Variants in DLGAP2 observed in about 807,000 individuals in gnomAD.
The protein encoded by DLGAP2 is DLG associated protein 2.
Under a neutral mutation model 100.3 loss-of-function variants are expected in DLGAP2, and 26 were observed. The observed-to-expected ratio is 0.26, with a 90% CI of 0.19 to 0.36. The LOEUF (loss-of-function observed/expected upper bound fraction) is 0.36, where lower values mean the gene tolerates loss of function less well. DLGAP2 is among the 10% of genes least tolerant of loss of function. The probability of loss-of-function intolerance (pLI) is 1.00; values close to 1 mark genes in which losing one functional copy is unlikely to be tolerated. For synonymous variants in DLGAP2, 886 were observed against 630.1 expected (o/e 1.41, Z -6.08); for missense variants, 1,858 against 1,453.2 (o/e 1.28, Z -4.53).
At chr8:778,524 A>T (rs191146609) in intron 1 of DLGAP2, among the ~76,000 whole-genome samples, 2 of 152,140 alleles carry the variant, frequency 1.3e-5, no homozygotes, top group Non-Finnish European at 2.9e-5. Flanking sequence ...ATGGGTTTTC[A>T]GTGTGGATGT....
chr8:1,204,438 G>A (rs1328158527), intron 2 of DLGAP2, among the ~76,000 whole-genome samples: 4 of 152,244 alleles, frequency 2.6e-5, no homozygotes, highest in African/African-American at 9.6e-5. Flanking sequence ...CTGGAAGCCA[G>A]GCTGACCGTG....
At position 1,675,829 on chromosome 8, in the gene DLGAP2, T is replaced by C. The variant is rs537518910; in HGVS notation, c.2203-704T>C. Among the ~76,000 whole-genome samples the C allele has an allele frequency of 4.9e-5, 7 of 141,610 alleles. No homozygotes were observed. The South Asian group carries it at 1.6e-3, about 32-fold the overall frequency. The allele number at this position is 141,610 out of a possible 152,430, so 92.9% of individuals were successfully genotyped here. On this transcript the variant is annotated intron_variant, in intron 10 of 14. Transcript: ENST00000637795. ...AGTTTTCCTACTTGGTTTGGTTTTG[T>C]TTTTTTTTTTTTAGAGAACGTACTG...
intron 2 of DLGAP2, among the ~76,000 whole-genome samples, chr8:1,092,371 C>G (rs112160012): frequency 1.1e-3 from 166 of 152,348 alleles, no homozygotes; most frequent in African/African-American, 3.8e-3. Flanking sequence ...CCGCCTGGCA[C>G]CTTGAGGCCT....
chr8:1,131,324 T>C (rs2129049126), intron 2 of DLGAP2, among the ~76,000 whole-genome samples: 1 of 152,264 alleles, frequency 6.6e-6, no homozygotes. Flanking sequence ...AAACAGCACC[T>C]TCATGTATCT....
chr8:1,471,992 G>T (rs910026446), intron 3 of DLGAP2, among the ~76,000 whole-genome samples: 1 of 152,194 alleles, frequency 6.6e-6, no homozygotes, highest in African/African-American at 2.4e-5. Flanking sequence ...CTTGTATTTA[G>T]CGGTGGTCTC....
chr8:1,525,948 G>T (rs1019799560), intron 4 of DLGAP2, among the ~76,000 whole-genome samples: 4 of 152,122 alleles, frequency 2.6e-5, no homozygotes, highest in African/African-American at 7.2e-5. Flanking sequence ...CTTGGCATTA[G>T]ACGTGTTTCA....
intron 2 of DLGAP2, among the ~76,000 whole-genome samples, chr8:1,062,925 C>G (rs1178509308): frequency 6.6e-6 from 1 of 152,188 alleles, no homozygotes; most frequent in Non-Finnish European, 1.5e-5. Context: ...AGGAGCTGTT[C>G]CAGCTTATTC....
At chr8:952,405 A>C (rs1463090792) in intron 2 of DLGAP2, among the ~76,000 whole-genome samples, 2 of 152,176 alleles carry the variant, frequency 1.3e-5, no homozygotes, top group Admixed American at 1.3e-4. Context: ...ATCCTTTGGG[A>C]GGCCAAGGAT....
At chr8:1,561,121 G>GAC (rs1802143355) in intron 5 of DLGAP2, among the ~76,000 whole-genome samples, 1 of 152,052 alleles carries the variant, frequency 6.6e-6, no homozygotes, top group East Asian at 1.9e-4. Flanking sequence ...TTTTAAAAGG[G>GAC]AGTTCCCCTG....
chr8:1,256,203 ATGCCCGGGTGCTGTGTGTGTGCCCTCTCC>A (rs1799209407), intron 2 of DLGAP2, among the ~76,000 whole-genome samples: 5 of 31,002 alleles, frequency 1.6e-4, no homozygotes, highest in South Asian at 1.1e-3. Flanking sequence ...GTGTCCTCTC[ATGCCCGGGTGCTGTGTGTGTGCCCTCTCC>A]TGCCCGGGTG....
chr8:1,121,081 C>T (rs1251176967), intron 2 of DLGAP2, among the ~76,000 whole-genome samples: 2 of 151,044 alleles, frequency 1.3e-5, no homozygotes, highest in East Asian at 4.0e-4. Context: ...CCCTTTAGAA[C>T]CCCTGATCAC....
intron 3 of DLGAP2, among the ~76,000 whole-genome samples, chr8:1,276,071 A>G (rs1799687674): frequency 7.0e-6 from 1 of 141,870 alleles, no homozygotes; most frequent in Non-Finnish European, 1.5e-5. Flanking sequence ...AAATAAATAT[A>G]TAATATATAA....
chr8:990,115 T>C lies in DLGAP2; in HGVS notation c.73+82149T>C, dbSNP rs552441695. Among the ~76,000 whole-genome samples the C allele has an allele frequency of 1.9e-3, 287 of 152,224 alleles. 4 individuals are homozygous for C. The highest frequency in any genetic ancestry group is 6.6e-3 in the African/African-American group (273 of 41,500). On this transcript the variant is annotated intron_variant, in intron 2 of 14. Transcript: ENST00000637795. ...GTCATCTACGACTTCAGTGCTGTGT[T>C]ACCTCCTTTCTATCAGCCTGATGAT...
At chr8:1,389,477 G>C (rs551287787) in intron 3 of DLGAP2, among the ~76,000 whole-genome samples, 12 of 152,132 alleles carry the variant, frequency 7.9e-5, no homozygotes, top group Admixed American at 7.9e-4. Context: ...AAGAAGTGTC[G>C]ATGAGGGACC....
At chr8:1,426,103 G>A (rs1797230129) in intron 3 of DLGAP2, among the ~76,000 whole-genome samples, 1 of 152,180 alleles carries the variant, frequency 6.6e-6, no homozygotes, top group South Asian at 2.1e-4. Flanking sequence ...TCAGGGTAGG[G>A]CAAGAGGAGG....
At chr8:1,222,774 C>T (rs1798341775) in intron 2 of DLGAP2, among the ~76,000 whole-genome samples, 1 of 152,052 alleles carries the variant, frequency 6.6e-6, no homozygotes, top group Admixed American at 6.6e-5. Context: ...GCTGTGGCCA[C>T]TGATGAGAGC....
At chr8:1,292,608 A>T (rs971723219) in intron 3 of DLGAP2, among the ~76,000 whole-genome samples, 2 of 152,324 alleles carry the variant, frequency 1.3e-5, no homozygotes, top group African/African-American at 4.8e-5. Flanking sequence ...TTTTGAAAGT[A>T]GGTTGAGCAA....
At chr8:1,570,187 A>G (rs981988836) in intron 6 of DLGAP2, among the ~76,000 whole-genome samples, 3 of 152,220 alleles carry the variant, frequency 2.0e-5, no homozygotes, top group African/African-American at 7.2e-5. Context: ...AGGAAAGACA[A>G]GACCGGGGAG....
At chr8:1,422,182 C>T (rs1187190272) in intron 3 of DLGAP2, among the ~76,000 whole-genome samples, 1 of 152,148 alleles carries the variant, frequency 6.6e-6, no homozygotes, top group Non-Finnish European at 1.5e-5. Context: ...TTCCTAATGT[C>T]TTATGGCCGC....
Sources: allele counts gnomAD v4.1 joint callset (sites outside exome capture counted in the v4.1 genomes callset), GRCh38; gene constraint gnomAD v4.1.1; transcripts MANE v1.5; gene names NCBI Gene and HGNC (gene_info 2026-07-23, HGNC 2026-07-21).